Variants in CPNE3 observed in about 807,000 individuals in gnomAD.
CPNE3 encodes the protein copine-3.
Under a neutral mutation model 63.9 loss-of-function variants are expected in CPNE3, and 68 were observed. The observed-to-expected ratio is 1.06, with a 90% CI of 0.87 to 1.30. The LOEUF (loss-of-function observed/expected upper bound fraction) is 1.30. Ranked by LOEUF, CPNE3 falls within the 50% of genes most tolerant of loss-of-function variation. The pLI, the probability that CPNE3 is intolerant of heterozygous loss-of-function variation, is 0.00. For missense variants in CPNE3, 665 were observed against 578.1 expected (o/e 1.15, Z -1.54); for synonymous variants, 219 against 197.5 (o/e 1.11, Z -0.91).
chr8:86,552,777 CAGTTTTAATTA>C (rs1006790146), intron 14 of CPNE3, among the ~76,000 whole-genome samples: 22 of 148,834 alleles, frequency 1.5e-4, no homozygotes, highest in African/African-American at 5.2e-4. Context: ...TGGCATAATT[CAGTTTTAATTA>C]AGGAATTGAA....
chr8:86,552,958 G>GCC (rs1402912128), intron 14 of CPNE3, among the ~76,000 whole-genome samples: 1 of 3,232 alleles, frequency 3.1e-4, no homozygotes, highest in African/African-American at 4.0e-4. Context: ...TCCTGCCACA[G>GCC]CCCGCCCCCC....
chr8:86,531,109 T>C, intron 4 of CPNE3, 46 bp from the exon 5 acceptor site: 1 of 858,062 alleles, frequency 1.2e-6, no homozygotes. Flanking sequence ...TTAAAAATTC[T>C]TAGGTTGAAG....
chr8:86,540,379 GTTCACC>G, intron 8 of CPNE3, 45 bp downstream of exon 8: 1 of 903,594 alleles, frequency 1.1e-6, no homozygotes, highest in Non-Finnish European at 1.6e-6. Context: ...ATATACCCAT[GTTCACC>G]TATTTTATAA....
At chr8:86,540,129 G>A (rs1820900338) in intron 7 of CPNE3, 116 bp from the exon 8 acceptor site, 2 of 676,036 alleles carry the variant, frequency 3.0e-6, no homozygotes, top group Non-Finnish European at 2.7e-6. Flanking sequence ...TAGTTGAGTT[G>A]ATGAAGAGGT....
intron 12 of CPNE3, 133 bp from the exon 13 acceptor site, chr8:86,550,913 C>T: frequency 1.2e-6 from 1 of 813,080 alleles, no homozygotes; most frequent in Non-Finnish European, 1.8e-6. Context: ...TTCTCTTTGG[C>T]AGTTAATATA....
chr8:86,515,394 TTA>T (rs1820272749), intron 1 of CPNE3, 66 bp from the exon 2 acceptor site: 3 of 152,194 alleles, frequency 2.0e-5, no homozygotes, highest in African/African-American at 7.2e-5. Flanking sequence ...TAGACAGTTT[TTA>T]TATGTTAGGT....
At chr8:86,533,805 A>G (rs1820738772) in intron 6 of CPNE3, among the ~76,000 whole-genome samples, 2 of 152,272 alleles carry the variant, frequency 1.3e-5, no homozygotes, top group Admixed American at 1.3e-4. Flanking sequence ...AAAAAATATA[A>G]TTGTTTAAAG....
intron 7 of CPNE3, 33 bp downstream of exon 7, chr8:86,537,679 G>C (rs188525147): frequency 1.7e-6 from 2 of 1,211,462 alleles, no homozygotes; most frequent in Non-Finnish European, 1.2e-6. Context: ...CAGAGTGGAG[G>C]TGTTCTTTGA....
In CPNE3 at chr8:86,540,294, T is replaced by C. The variant is rs766674375; in HGVS notation, c.593T>C (p.Leu198Pro). The C allele has an allele frequency of 3.7e-6, 6 of 1,603,588 alleles. No individual in the cohort carries two copies. The highest frequency in any genetic ancestry group is 5.1e-6 in the Non-Finnish European group (6 of 1,175,560). ...GTTTGGAGGCCTTTCAAGATCTCTCTTAACTCACTGTGTTACGGAGATATG... is the reference window on the plus strand; with the variant it reads ...GTTTGGAGGCCTTTCAAGATCTCTCCTAACTCACTGTGTTACGGAGATATG... Reference protein sequence around the residue: ...NPVWRPFKISLNSLCYGDMDK... With the variant: ...NPVWRPFKISPNSLCYGDMDK... Residue 198 changes from leucine to proline, a missense_variant, in exon 8 of 17, where the codon CTT becomes CCT. Transcript: ENST00000517490.
intron 2 of CPNE3, among the ~76,000 whole-genome samples, chr8:86,519,824 C>T (rs1477586833): frequency 6.6e-6 from 1 of 152,210 alleles, no homozygotes; most frequent in African/African-American, 2.4e-5. Flanking sequence ...AGCGATTCTC[C>T]TGCCTCAGCC....
intron 2 of CPNE3, among the ~76,000 whole-genome samples, chr8:86,521,050 T>G (rs1488933304): frequency 6.6e-6 from 1 of 152,242 alleles, no homozygotes; most frequent in African/African-American, 2.4e-5. Context: ...GGCATCACTT[T>G]GTTACTAAAT....
chr8:86,515,849 G>T (rs1325046938), intron 2 of CPNE3, among the ~76,000 whole-genome samples: 2 of 152,168 alleles, frequency 1.3e-5, no homozygotes, highest in Non-Finnish European at 2.9e-5. Flanking sequence ...CTAGCTCTCT[G>T]TGTGTGCTGC....
intron 16 of CPNE3, among the ~76,000 whole-genome samples, chr8:86,557,644 G>A (rs550464146): frequency 3.9e-5 from 6 of 152,210 alleles, no homozygotes; most frequent in Admixed American, 6.5e-5. Flanking sequence ...ATGTTAGGTA[G>A]GGATCTTTGT....
chr8:86,537,295 A>T (rs558451557), intron 6 of CPNE3, among the ~76,000 whole-genome samples: 4 of 152,320 alleles, frequency 2.6e-5, no homozygotes, highest in African/African-American at 9.6e-5. Flanking sequence ...GGTATATTTG[A>T]CCACTGTATT....
intron 11 of CPNE3, 62 bp downstream of exon 11, chr8:86,547,832 T>G (rs1261733993): frequency 6.1e-6 from 5 of 816,400 alleles, no homozygotes; most frequent in African/African-American, 3.4e-5. Context: ...TATATTTTCT[T>G]TCACTGCAAA....
intron 6 of CPNE3, among the ~76,000 whole-genome samples, chr8:86,533,038 A>ATCTATCTG (rs1820718020): frequency 1.3e-5 from 2 of 149,996 alleles, no homozygotes; most frequent in South Asian, 2.1e-4. Flanking sequence ...CTATCTATCT[A>ATCTATCTG]TCTATCTATC....
intron 15 of CPNE3, among the ~76,000 whole-genome samples, chr8:86,555,532 T>A (rs1821303749): frequency 6.6e-6 from 1 of 152,184 alleles, no homozygotes; most frequent in Non-Finnish European, 1.5e-5. Flanking sequence ...ATATTGTAAA[T>A]CTTATTCCTA....
chr8:86,517,772 C>G (rs371642327), intron 2 of CPNE3, among the ~76,000 whole-genome samples: 1 of 152,306 alleles, frequency 6.6e-6, no homozygotes, highest in African/African-American at 2.4e-5. Context: ...CTAACCTCTC[C>G]CTGATGGGGA....
Position 86,520,001 on chromosome 8 carries a change from C to T in CPNE3, c.-11+4502C>T, listed in dbSNP as rs373276791. On this transcript the variant is annotated intron_variant, in intron 2 of 16. Coordinates refer to ENST00000517490, the MANE Select transcript of CPNE3 (RefSeq NM_003909.5). The stretch of plus-strand genomic sequence containing the variant: ...TGCTGGGATTACAGGCGTGAGCCAC[C>T]GCACCTGGCCCCAGATATAGCTTTT... 3.3e-5 allele frequency among the ~76,000 whole-genome samples: 5 copies of T among 152,192 alleles called. No homozygotes were observed. In the East Asian group the frequency reaches 5.8e-4, roughly 18 times the overall value.
Sources: gnomAD v4.1 joint callset for allele counts (sites outside exome capture counted in the v4.1 genomes callset) on GRCh38, gnomAD v4.1.1 for gene constraint, MANE v1.5 for transcripts, NCBI Gene and HGNC (gene_info 2026-07-23, HGNC 2026-07-21) for gene names.